UBASH3B: variants seen among roughly 807,000 people sequenced by gnomAD.
UBASH3B encodes the protein ubiquitin-associated and SH3 domain-containing protein B.
Under a neutral mutation model 83.4 loss-of-function variants are expected in UBASH3B, and 37 were observed. The ratio of observed to expected loss-of-function variants is 0.44; its 90% CI spans 0.34 to 0.58. UBASH3B has a LOEUF of 0.58. UBASH3B is among the 20% of genes least tolerant of loss of function. UBASH3B has a pLI of 0.01. For synonymous variants in UBASH3B, 304 were observed against 318.3 expected, an observed-to-expected ratio of 0.96 and a Z score of 0.48; for missense variants, 657 against 827.2, an observed-to-expected ratio of 0.79 and a Z score of 2.52.
At chr11:122,659,577 T>G (rs560589924) in intron 1 of UBASH3B, among the ~76,000 whole-genome samples, 1 of 152,096 alleles carries the variant, frequency 6.6e-6, no homozygotes, top group Non-Finnish European at 1.5e-5. Context: ...TTTTTGAGAG[T>G]TGAGAAGAAA....
At chr11:122,688,630 A>G (rs59742529) in intron 1 of UBASH3B, among the ~76,000 whole-genome samples, 4 of 83,216 alleles carry the variant, frequency 4.8e-5, no homozygotes, top group African/African-American at 9.5e-5. Context: ...TCTTTCTTTT[A>G]TTTTATTTTA....
chr11:122,656,294 G>C (rs568313379), intron 1 of UBASH3B, 84 bp downstream of exon 1: 3 of 1,257,214 alleles, frequency 2.4e-6, no homozygotes, highest in Non-Finnish European at 3.0e-6. Flanking sequence ...GCCTCCCAGC[G>C]CCTGCGGGAC....
chr11:122,738,442 A>G (rs2135958162), intron 1 of UBASH3B, among the ~76,000 whole-genome samples: 1 of 152,322 alleles, frequency 6.6e-6, no homozygotes, highest in South Asian at 2.1e-4. Context: ...AGGAGAAGAC[A>G]GGCTTTCAGT....
chr11:122,666,390 C>T (rs1442436303), intron 1 of UBASH3B, among the ~76,000 whole-genome samples: 2 of 145,966 alleles, frequency 1.4e-5, no homozygotes, highest in Non-Finnish European at 3.1e-5. Flanking sequence ...TCTGCAGTTT[C>T]GTTTTTGTTT....
chr11:122,773,897 C>G, intron 1 of UBASH3B: 1 of 824,802 alleles, frequency 1.2e-6, no homozygotes, highest in Non-Finnish European at 1.5e-6. Context: ...AATTGAATTC[C>G]TTATATAAAT....
At chr11:122,782,846 A>C in intron 4 of UBASH3B, 1 of 582,862 alleles carries the variant, frequency 1.7e-6, no homozygotes, top group Non-Finnish European at 3.0e-6. Context: ...TATGGTGGCT[A>C]TCTCTTGAAC....
Position 122,806,352 on chromosome 11 carries a change from C to A in UBASH3B, c.1596-58C>A. ...TTGAAATAAAAGTTTAGAGTGATAT[C>A]TTCCTTTGTCTCAAGATCAAAATGT... On this transcript the variant is annotated intron_variant, in intron 11 of 13. Transcript: ENST00000284273. The surrounding 1 kb of genome is among the most constrained non-coding windows in gnomAD (Gnocchi z 4.0). 7.0e-7 allele frequency: 1 copy of A among 1,425,564 alleles called. No individual in the cohort carries two copies. The highest frequency in any genetic ancestry group is 1.3e-5 in the South Asian group (1 of 77,640). 88.3% of individuals were successfully genotyped at this position (1,425,564 alleles called of 1,614,324 possible). A position where few individuals can be genotyped will look rare whatever the true frequency, so the allele number is the denominator to read the frequency against.
chr11:122,719,492 C>G (rs1026165302), intron 1 of UBASH3B, among the ~76,000 whole-genome samples: 1 of 152,158 alleles, frequency 6.6e-6, no homozygotes, highest in Non-Finnish European at 1.5e-5. Flanking sequence ...TAAAATAAGT[C>G]TCTGAGAGGG....
intron 6 of UBASH3B, among the ~76,000 whole-genome samples, chr11:122,791,317 A>G (rs918139436): frequency 2.3e-4 from 35 of 152,318 alleles, no homozygotes; most frequent in African/African-American, 8.2e-4. Context: ...GCAAAGTTGC[A>G]TTACCTCTCT....
At chr11:122,770,247 T>C (rs766468919) in intron 1 of UBASH3B, among the ~76,000 whole-genome samples, 26 of 152,264 alleles carry the variant, frequency 1.7e-4, no homozygotes, top group Non-Finnish European at 3.5e-4. Flanking sequence ...TTCTACTTAA[T>C]TGAATCAAAG....
At chr11:122,778,910 T>C (rs1299187226) in intron 3 of UBASH3B, among the ~76,000 whole-genome samples, 1 of 152,186 alleles carries the variant, frequency 6.6e-6, no homozygotes, top group Non-Finnish European at 1.5e-5. Flanking sequence ...CAGCCTGATT[T>C]TTTTCTAATT....
chr11:122,726,349 C>CTTTTTTTTTTTTTT (rs11369075), intron 1 of UBASH3B: 1 of 127,140 alleles, frequency 7.9e-6, no homozygotes, highest in African/African-American at 3.0e-5. Flanking sequence ...TCTTCTTCTT[C>CTTTTTTTTTTTTTT]TTTTTTTTTT....
In UBASH3B at chr11:122,655,943, C is replaced by G; in HGVS notation, c.-107C>G. 1.6e-6 allele frequency: 2 copies of G among 1,217,444 alleles called. No homozygotes were observed. The allele number at this position is 1,217,444 out of a possible 1,614,324, so 75.4% of individuals were successfully genotyped here. ...CGCCTCCGCTGCCGCCGCCTCCTGCCTGGCTCTGGGTCCCCGAGCCCCCTC... is the reference window on the plus strand; with the variant it reads ...CGCCTCCGCTGCCGCCGCCTCCTGCGTGGCTCTGGGTCCCCGAGCCCCCTC... On this transcript the variant is annotated 5_prime_UTR_variant, in exon 1 of 14. Coordinates refer to ENST00000284273, the MANE Select transcript of UBASH3B (RefSeq NM_032873.5).
chr11:122,776,259 G>A lies in UBASH3B; in HGVS notation c.202G>A (p.Ala68Thr), dbSNP rs12790613. The A allele has an allele frequency of 0.3, 479,960 of 1,604,806 alleles. 75,081 individuals are homozygous for A. The highest frequency in any genetic ancestry group is 0.32 in the Non-Finnish European group (379,370 of 1,175,708). Residue 68 changes from alanine (A) to threonine (T), a missense_variant, in exon 2 of 14, where the codon GCA becomes ACA. This residue lies in a region of UBASH3B where 573 missense variants were observed against 739.0 expected (regional missense o/e 0.78). Transcript: ENST00000284273. ...LASTGGRSVQ[A>T]ACDWLFSHVG... ...ATCCACGGGAGGAAGAAGTGTTCAG[G>A]CAGCATGTGACTGGTTGGTATGAGA...
chr11:122,749,757 G>A (rs917583815), intron 1 of UBASH3B, among the ~76,000 whole-genome samples: 4 of 152,142 alleles, frequency 2.6e-5, no homozygotes, highest in African/African-American at 9.7e-5. Context: ...TTTTAAGACA[G>A]AGTCTCGCTC....
intron 1 of UBASH3B, among the ~76,000 whole-genome samples, chr11:122,671,862 G>T (rs952872995): frequency 6.6e-6 from 1 of 152,240 alleles, no homozygotes; most frequent in Non-Finnish European, 1.5e-5. Flanking sequence ...AGCTGGCTCC[G>T]AAGGATGTGG....
At chr11:122,729,209 C>T (rs1860797621) in intron 1 of UBASH3B, among the ~76,000 whole-genome samples, 1 of 152,192 alleles carries the variant, frequency 6.6e-6, no homozygotes, top group African/African-American at 2.4e-5. Flanking sequence ...CCACAGGGGC[C>T]AGCTCCCTGC....
At chr11:122,800,662 G>A (rs907847220) in intron 10 of UBASH3B, among the ~76,000 whole-genome samples, 2 of 152,062 alleles carry the variant, frequency 1.3e-5, no homozygotes, top group Non-Finnish European at 2.9e-5. Flanking sequence ...AGGCTGGAGT[G>A]CAGCTGCACA....
chr11:122,761,529 G>T (rs1391056123), intron 1 of UBASH3B, among the ~76,000 whole-genome samples: 1 of 152,126 alleles, frequency 6.6e-6, no homozygotes, highest in Non-Finnish European at 1.5e-5. Context: ...AGTTACAGAA[G>T]AGTGACAGTG....
Sources: gnomAD v4.1 joint callset for allele counts (sites outside exome capture counted in the v4.1 genomes callset) on GRCh38, gnomAD v4.1.1 for gene constraint, gnomAD v4.1.1 regional missense constraint, Gnocchi (gnomAD v3.1) non-coding constraint, MANE v1.5 for transcripts, NCBI Gene and HGNC (gene_info 2026-07-23, HGNC 2026-07-21) for gene names.